ARHGEF28: variants seen among roughly 807,000 people sequenced by gnomAD.
The protein encoded by ARHGEF28 is Rho guanine nucleotide exchange factor 28, also known as 190 kDa guanine nucleotide exchange factor.
ARHGEF28 carries 152 observed loss-of-function variants against 206.6 expected under a neutral mutation model. The ratio of observed to expected loss-of-function variants is 0.74; its 90% CI spans 0.64 to 0.84. The LOEUF is 0.84. ARHGEF28 is among the 40% of genes least tolerant of loss of function. The pLI is 0.00. For synonymous variants in ARHGEF28, 763 were observed against 776.4 expected (o/e 0.98, Z 0.29); for missense variants, 2,028 against 2,073.2 (o/e 0.98, Z 0.42).
intron 35 of ARHGEF28, among the ~76,000 whole-genome samples, chr5:73,922,469 C>T (rs1763571665): frequency 6.6e-6 from 1 of 152,218 alleles, no homozygotes; most frequent in Non-Finnish European, 1.5e-5. Context: ...TTGCCGAAAG[C>T]TTCTGGAATC....
chr5:73,628,669 T>C (rs1251209388), intron 1 of ARHGEF28, among the ~76,000 whole-genome samples: 1 of 152,224 alleles, frequency 6.6e-6, no homozygotes, highest in Non-Finnish European at 1.5e-5. Flanking sequence ...GGGCAACTCC[T>C]ACTGAGGATG....
intron 9 of ARHGEF28, among the ~76,000 whole-genome samples, chr5:73,812,722 A>G (rs558897420): frequency 2.0e-5 from 3 of 152,246 alleles, no homozygotes; most frequent in Non-Finnish European, 4.4e-5. Flanking sequence ...CACCAGCTCT[A>G]TTGAGGTGGA....
chr5:73,753,087 C>A lies in ARHGEF28; in HGVS notation c.360C>A (p.Thr120=), dbSNP rs377228313. Residue 120 remains threonine (T), a synonymous_variant, in exon 4 of 36, where the codon ACC becomes ACA. Coordinates refer to ENST00000513042, the MANE Select transcript of ARHGEF28 (RefSeq NM_001177693.2). ...CCTGCAGCCACCAGACCCTGCTGAC[C>A]CCATTTGCCTTGACGGCAGGAGCAC... ...LTACSHQTLL[T]PFALTAGALP... is the part of the protein sequence containing the mutation. The A allele has an allele frequency of 6.2e-7, 1 of 1,607,102 alleles. No individual in the cohort carries two copies. The highest frequency in any genetic ancestry group is 1.3e-5 in the African/African-American group (1 of 74,868).
At chr5:73,710,629 A>T (rs1749182715) in intron 2 of ARHGEF28, among the ~76,000 whole-genome samples, 1 of 152,208 alleles carries the variant, frequency 6.6e-6, no homozygotes, top group Non-Finnish European at 1.5e-5. Flanking sequence ...ACTCAAGGTC[A>T]TGCAGAGTTT....
intron 11 of ARHGEF28, among the ~76,000 whole-genome samples, chr5:73,845,200 G>C (rs550905661): frequency 6.6e-6 from 1 of 151,790 alleles, no homozygotes; most frequent in Non-Finnish European, 1.5e-5. Flanking sequence ...TGTATTTTTA[G>C]TAGAGATGTA....
At chr5:73,825,988 G>A (rs199755406) in intron 9 of ARHGEF28, among the ~76,000 whole-genome samples, 77 of 152,214 alleles carry the variant, frequency 5.1e-4, no homozygotes, top group Admixed American at 1.6e-3. Flanking sequence ...GATAACCAAG[G>A]GAAGAGTGGA....
chr5:73,685,188 A>G (rs569620405), intron 2 of ARHGEF28, among the ~76,000 whole-genome samples: 3 of 152,240 alleles, frequency 2.0e-5, no homozygotes, highest in East Asian at 1.9e-4. Flanking sequence ...TAATATCCTG[A>G]TAATAGTCAA....
Position 73,920,545 on chromosome 5 carries a change from GT to G in ARHGEF28, c.4948+8992del, listed in dbSNP as rs756699052. Among the ~76,000 whole-genome samples, 142 of 110,522 alleles carry G rather than the reference GT, an allele frequency of 1.3e-3. 1 individual carries two copies. The highest frequency in any genetic ancestry group is 5.8e-3 in the Middle Eastern group (1 of 172). 72.5% of individuals were successfully genotyped at this position (110,522 alleles called of 152,430 possible). The stretch of plus-strand genomic sequence containing the variant: ...CTGTACCTATCAACCCGTCATCTAG[GT>G]TTTTTTTTTTTTTTTTTTTTTGAGA... On this transcript the variant is annotated intron_variant, in intron 35 of 35. Coordinates refer to ENST00000513042, the MANE Select transcript of ARHGEF28 (RefSeq NM_001177693.2).
chr5:73,904,030 G>A lies in ARHGEF28; in HGVS notation c.4075-192G>A, dbSNP rs531571778. The A allele has an allele frequency of 9.6e-5, 56 of 584,886 alleles. 1 individual carries two copies. The South Asian group carries it at 1.2e-3, about 13-fold the overall frequency. 36.2% of individuals were successfully genotyped at this position (584,886 alleles called of 1,614,324 possible). ...CAAACATCGACTTTGCGTGAAGGAC[G>A]CTCTTGTTGTCAAGTGTTTGTTTGA... On this transcript the variant is annotated intron_variant, in intron 31 of 35. Coordinates refer to ENST00000513042, the MANE Select transcript of ARHGEF28 (RefSeq NM_001177693.2).
At chr5:73,739,967 A>C (rs1217791831) in intron 2 of ARHGEF28, among the ~76,000 whole-genome samples, 1 of 150,602 alleles carries the variant, frequency 6.6e-6, no homozygotes, top group Non-Finnish European at 1.5e-5. Context: ...CCAGGAGTAC[A>C]ATACCAGCCT....
Position 73,894,610 on chromosome 5 carries a change from T to A in ARHGEF28, c.3841+35T>A, listed in dbSNP as rs370051133. ...TGTGAGAAGGGTTTGGGTCGACACG[T>A]TCAGAAAATGTTTATTGAACACCTG... On this transcript the variant is annotated intron_variant, in intron 29 of 35. Coordinates refer to ENST00000513042, the MANE Select transcript of ARHGEF28 (RefSeq NM_001177693.2). 4.4e-6 allele frequency: 7 copies of A among 1,601,774 alleles called. No homozygotes were observed. The African/African-American group carries it at 9.4e-5, about 22-fold the overall frequency.
At chr5:73,836,368 T>G (rs990598239) in intron 10 of ARHGEF28, among the ~76,000 whole-genome samples, 1 of 151,602 alleles carries the variant, frequency 6.6e-6, no homozygotes, top group Non-Finnish European at 1.5e-5. Flanking sequence ...GGTATCTCAT[T>G]GTAGTTTTGT....
At chr5:73,870,751 G>T (rs1485401188) in intron 21 of ARHGEF28, among the ~76,000 whole-genome samples, 1 of 152,172 alleles carries the variant, frequency 6.6e-6, no homozygotes, top group Non-Finnish European at 1.5e-5. Flanking sequence ...TGGTGAGATT[G>T]TATTTTGTCA....
rs747187441 is a variant in ARHGEF28, at chr5:73,911,534, T to C, written c.4907T>C (p.Ile1636Thr). 6.2e-7 allele frequency: 1 copy of C among 1,612,258 alleles called. No individual in the cohort carries two copies. The highest frequency in any genetic ancestry group is 8.5e-7 in the Non-Finnish European group (1 of 1,179,024). Residue 1636 changes from isoleucine (I) to threonine (T), a missense_variant, in exon 35 of 36, where the codon ATA (isoleucine) becomes ACA (threonine). Physicochemically the swap from Ile to Thr is moderately conservative, Grantham distance 89. This residue lies in a region of ARHGEF28 where 803 missense variants were observed against 768.0 expected (regional missense o/e 1.05). Coordinates refer to ENST00000513042, the MANE Select transcript of ARHGEF28 (RefSeq NM_001177693.2). ...ACAGCCGCTGGTTCCGGCCATCAGA[T>C]ACTTCCTTTCCATGAAAGCAGCAAG... ...LWTAAGSGHQILPFHESSKDS... is the reference protein window; with the variant it reads ...LWTAAGSGHQTLPFHESSKDS...
intron 2 of ARHGEF28, among the ~76,000 whole-genome samples, chr5:73,713,944 A>G (rs1749416521): frequency 6.6e-6 from 1 of 152,208 alleles, no homozygotes; most frequent in South Asian, 2.1e-4. Context: ...AGAAATCATT[A>G]ATTTATCATC....
At chr5:73,896,907 G>A (rs569647069) in intron 29 of ARHGEF28, among the ~76,000 whole-genome samples, 14 of 152,348 alleles carry the variant, frequency 9.2e-5, no homozygotes, top group Non-Finnish European at 1.8e-4. Context: ...AGCAATGGAG[G>A]TGCTGCGTGA....
At chr5:73,911,010 TTAAAA>T (rs1287810751) in intron 34 of ARHGEF28, among the ~76,000 whole-genome samples, 2 of 152,244 alleles carry the variant, frequency 1.3e-5, no homozygotes, top group Non-Finnish European at 2.9e-5. Flanking sequence ...CTTTCTCTGA[TTAAAA>T]TAAAGTGGAA....
chr5:73,866,890 G>A (rs1417490560), intron 18 of ARHGEF28, among the ~76,000 whole-genome samples: 1 of 152,142 alleles, frequency 6.6e-6, no homozygotes, highest in African/African-American at 2.4e-5. Context: ...AACAAAGTGT[G>A]ACTGATATTT....
chr5:73,720,349 AAAG>A (rs1749866407), intron 2 of ARHGEF28, among the ~76,000 whole-genome samples: 1 of 152,162 alleles, frequency 6.6e-6, no homozygotes, highest in Admixed American at 6.5e-5. Context: ...GACAGTTGAA[AAAG>A]AAGAAAAAGG....
Sources: gnomAD v4.1 joint callset for allele counts (sites outside exome capture counted in the v4.1 genomes callset) on GRCh38, gnomAD v4.1.1 for gene constraint, gnomAD v4.1.1 regional missense constraint, MANE v1.5 for transcripts, NCBI Gene and HGNC (gene_info 2026-07-23, HGNC 2026-07-21) for gene names.